The following ST8SIA6 variants were observed in gnomAD, a reference collection of about 807,000 sequenced individuals.
ST8SIA6 encodes alpha-2,8-sialyltransferase 8F.
Under a neutral mutation model 33.6 loss-of-function variants are expected in ST8SIA6, and 39 were observed. The ratio of observed to expected loss-of-function variants is 1.16; its 90% CI spans 0.90 to 1.52. The LOEUF is 1.52. Among genes scored for constraint, ST8SIA6 ranks in the 40% most tolerant of loss-of-function variants. ST8SIA6 has a pLI of 0.00. For missense variants in ST8SIA6, 441 were observed against 443.8 expected, an observed-to-expected ratio of 0.99 and a Z score of 0.06; for synonymous variants, 172 against 167.2, an observed-to-expected ratio of 1.03 and a Z score of -0.22.
At chr10:17,337,183 C>A (rs998593173) in intron 4 of ST8SIA6, among the ~76,000 whole-genome samples, 1 of 152,064 alleles carries the variant, frequency 6.6e-6, no homozygotes, top group African/African-American at 2.4e-5. Flanking sequence ...AAGAGCCTGC[C>A]ACCTCTTTGT....
chr10:17,393,125 C>T (rs1850679242), intron 2 of ST8SIA6, among the ~76,000 whole-genome samples: 1 of 152,102 alleles, frequency 6.6e-6, no homozygotes, highest in South Asian at 2.1e-4. Context: ...TTTCTCCTGC[C>T]CTTGGACATC....
chr10:17,332,140 T>G (rs950939103), intron 4 of ST8SIA6, among the ~76,000 whole-genome samples: 2 of 152,232 alleles, frequency 1.3e-5, no homozygotes, highest in African/African-American at 4.8e-5. Flanking sequence ...TTTTTATGGC[T>G]GCGTAGCATT....
chr10:17,418,252 T>C (rs545456061), intron 2 of ST8SIA6, among the ~76,000 whole-genome samples: 10 of 151,990 alleles, frequency 6.6e-5, no homozygotes, highest in African/African-American at 2.2e-4. Flanking sequence ...TTTGCAGATA[T>C]GGGGTCTTGC....
In ST8SIA6 at chr10:17,429,768, AG is replaced by A. The variant is rs564806788; in HGVS notation, c.200+23790del. On this transcript the variant is annotated intron_variant, in intron 2 of 7. Coordinates refer to ENST00000377602, the MANE Select transcript of ST8SIA6 (RefSeq NM_001004470.3). Reference sequence around the variant, plus strand: ...CCAGAGTGTCAGGATTACAGGCGTGAGCCACAATGCCTGGCCTTACTTTTTC... The same window carrying A: ...CCAGAGTGTCAGGATTACAGGCGTGACCACAATGCCTGGCCTTACTTTTTC... Among the ~76,000 whole-genome samples, 28 of 152,306 alleles carry A rather than the reference AG, an allele frequency of 1.8e-4. No individual in the cohort carries two copies. In the East Asian group the frequency reaches 5.4e-3, roughly 29 times the overall value.
At chr10:17,425,644 AGGAG>A (rs769695031) in intron 2 of ST8SIA6, among the ~76,000 whole-genome samples, 46 of 146,670 alleles carry the variant, frequency 3.1e-4, no homozygotes, top group Non-Finnish European at 6.3e-4. Flanking sequence ...AGAGGAAGAA[AGGAG>A]GGAGGGAGGG....
intron 2 of ST8SIA6, among the ~76,000 whole-genome samples, chr10:17,405,648 C>T (rs2131685608): frequency 6.6e-6 from 1 of 150,408 alleles, no homozygotes; most frequent in East Asian, 2.0e-4. Flanking sequence ...CTTTGGGAGG[C>T]CGAGGTGGGC....
rs769450777 is a variant in ST8SIA6, at chr10:17,342,980, C to T, written c.378-11428G>A. ...AATAAGAATGACAAAGGCAGCAGGG[C>T]GTTATGATAATGGCTCAATATGAGA... On this transcript the variant is annotated intron_variant, in intron 4 of 7. Coordinates refer to ENST00000377602, the MANE Select transcript of ST8SIA6 (RefSeq NM_001004470.3). Among the ~76,000 whole-genome samples, 3 of 152,070 alleles carry T rather than the reference C, an allele frequency of 2.0e-5. 1 individual carries two copies. Among genetic ancestry groups the T allele is most frequent in the Admixed American group, 2.0e-4 (3 of 15,244 alleles).
intron 2 of ST8SIA6, among the ~76,000 whole-genome samples, chr10:17,419,994 G>A (rs1191347971): frequency 6.6e-6 from 1 of 152,070 alleles, no homozygotes; most frequent in African/African-American, 2.4e-5. Context: ...ACAACCTGGT[G>A]GAGACTTAAA....
intron 4 of ST8SIA6, among the ~76,000 whole-genome samples, chr10:17,359,304 G>T (rs1463398067): frequency 6.6e-6 from 1 of 152,092 alleles, no homozygotes; most frequent in Non-Finnish European, 1.5e-5. Context: ...GGGAACTTTT[G>T]TAATTCAAAC....
At chr10:17,380,910 TGTTTGTGC>T (rs1291024174) in intron 3 of ST8SIA6, among the ~76,000 whole-genome samples, 60 of 132,966 alleles carry the variant, frequency 4.5e-4, no homozygotes, top group Admixed American at 1.9e-3. Flanking sequence ...TGTATATGTG[TGTTTGTGC>T]GTGTGTGTGT....
intron 4 of ST8SIA6, among the ~76,000 whole-genome samples, chr10:17,340,762 A>G (rs575565045): frequency 6.6e-6 from 1 of 152,324 alleles, no homozygotes; most frequent in African/African-American, 2.4e-5. Flanking sequence ...ACAACCCAAA[A>G]TATTTTTCTA....
chr10:17,331,375 A>G (rs1848293077), intron 5 of ST8SIA6, 33 bp downstream of exon 5: 1 of 1,575,238 alleles, frequency 6.3e-7, no homozygotes. Context: ...CTGGAATGGT[A>G]ACACAAATAA....
At chr10:17,330,725 C>A (rs530720981) in intron 5 of ST8SIA6, among the ~76,000 whole-genome samples, 1 of 152,188 alleles carries the variant, frequency 6.6e-6, no homozygotes, top group East Asian at 1.9e-4. Context: ...CATAGAAAGA[C>A]GCTGGAGAGT....
Position 17,321,251 on chromosome 10 carries a change from G to T in ST8SIA6, c.824C>A (p.Ala275Asp). 1 of 1,613,932 alleles carries T rather than the reference G, an allele frequency of 6.2e-7. No individual in the cohort carries two copies. The highest frequency in any genetic ancestry group is 8.5e-7 in the Non-Finnish European group (1 of 1,179,926). ...TACTTTGAAAGAGGTACCCGTGTTG[G>T]CCCTGAAGGAAAATGCTGGCAGAAG... Reference protein sequence around the residue: ...FFLLPAFSFRANTGTSFKVYY... With the variant: ...FFLLPAFSFRDNTGTSFKVYY... Residue 275 changes from alanine to aspartate, a missense_variant, in exon 8 of 8, where the codon GCC (alanine) becomes GAC (aspartate). Physicochemically the swap from Ala to Asp is moderately radical, Grantham distance 126. Coordinates refer to ENST00000377602, the MANE Select transcript of ST8SIA6 (RefSeq NM_001004470.3).
intron 2 of ST8SIA6, among the ~76,000 whole-genome samples, chr10:17,432,894 G>C (rs1198995550): frequency 6.6e-6 from 1 of 152,068 alleles, no homozygotes; most frequent in Non-Finnish European, 1.5e-5. Context: ...TAAGACAAAC[G>C]CCAACCTGTA....
chr10:17,441,771 C>T (rs1181119216), intron 2 of ST8SIA6, among the ~76,000 whole-genome samples: 2 of 152,086 alleles, frequency 1.3e-5, no homozygotes, highest in African/African-American at 4.8e-5. Context: ...AATAAAATTA[C>T]ATTTATTAAA....
intron 2 of ST8SIA6, among the ~76,000 whole-genome samples, chr10:17,402,275 AAC>A (rs1382394214): frequency 6.6e-6 from 1 of 152,136 alleles, no homozygotes; most frequent in African/African-American, 2.4e-5. Flanking sequence ...AAAGTCAAGA[AAC>A]AACAGGTGCT....
At chr10:17,453,407 C>T in intron 2 of ST8SIA6, 152 bp downstream of exon 2, 1 of 492,618 alleles carries the variant, frequency 2.0e-6, no homozygotes, top group East Asian at 3.5e-5. Context: ...CCCCCCCAAC[C>T]CCGCGCCCTC....
At chr10:17,323,787 C>A (rs1848040705) in intron 6 of ST8SIA6, among the ~76,000 whole-genome samples, 1 of 152,078 alleles carries the variant, frequency 6.6e-6, no homozygotes, top group Non-Finnish European at 1.5e-5. Context: ...GAAGAGTTCC[C>A]AATCCTTTTA....
Sources: gnomAD v4.1 joint callset for allele counts (sites outside exome capture counted in the v4.1 genomes callset) on GRCh38, gnomAD v4.1.1 for gene constraint, MANE v1.5 for transcripts, NCBI Gene and HGNC (gene_info 2026-07-23, HGNC 2026-07-21) for gene names.